ZNF85: variants seen among roughly 807,000 people sequenced by gnomAD.
The protein encoded by ZNF85 is zinc finger protein 85.
A neutral mutation model predicts 53.9 loss-of-function variants in ZNF85; 50 were observed. The observed-to-expected ratio is 0.93, with a 90% CI of 0.74 to 1.17. The LOEUF (loss-of-function observed/expected upper bound fraction) is 1.17. Ranked by LOEUF, ZNF85 falls within the 50% of genes most tolerant of loss-of-function variation. The pLI is 0.00. For synonymous variants in ZNF85, 225 were observed against 226.1 expected, an observed-to-expected ratio of 1.00 and a Z score of 0.04; for missense variants, 747 against 688.5, an observed-to-expected ratio of 1.08 and a Z score of -0.95.
At chr19:20,930,303 A>G (rs1010150488) in intron 1 of ZNF85, among the ~76,000 whole-genome samples, 33 of 152,150 alleles carry the variant, frequency 2.2e-4, no homozygotes, top group Admixed American at 1.6e-3. Context: ...GAAACATTCT[A>G]TTTAACAACT....
chr19:20,927,596 G>A (rs1343265061), intron 1 of ZNF85: 1 of 152,018 alleles, frequency 6.6e-6, no homozygotes, highest in Non-Finnish European at 1.5e-5. Context: ...TAATAAGAAG[G>A]GTGTTTTTGG....
intron 1 of ZNF85, 45 bp from the exon 2 acceptor site, chr19:20,933,957 ATGTGTGTGTGTGTGTGTGTGTG>A (rs56195718): frequency 3.9e-4 from 453 of 1,158,200 alleles, no homozygotes; most frequent in South Asian, 9.4e-4. Flanking sequence ...GTTGGTAATT[ATGTGTGTGTGTGTGTGTGTGTG>A]TGTGTGTGTG....
chr19:20,944,995 G>T (rs978551029), intron 3 of ZNF85, among the ~76,000 whole-genome samples: 3 of 152,000 alleles, frequency 2.0e-5, no homozygotes, highest in African/African-American at 7.2e-5. Flanking sequence ...TCCTGTGTAG[G>T]TGAGTAGTCA....
intron 1 of ZNF85, among the ~76,000 whole-genome samples, chr19:20,923,616 T>G (rs917795724): frequency 2.0e-5 from 3 of 152,156 alleles, no homozygotes; most frequent in African/African-American, 7.2e-5. Context: ...GCGCAGTGAC[T>G]GTGCCCTGGA....
intron 3 of ZNF85, among the ~76,000 whole-genome samples, chr19:20,936,136 T>A (rs1973153036): frequency 6.6e-6 from 1 of 152,216 alleles, no homozygotes; most frequent in Non-Finnish European, 1.5e-5. Flanking sequence ...AATTTATACT[T>A]GTATGTTAAT....
chr19:20,934,870 T>G (rs1332910083), intron 2 of ZNF85, 79 bp from the exon 3 acceptor site: 1 of 813,380 alleles, frequency 1.2e-6, no homozygotes, highest in East Asian at 3.1e-5. Context: ...TTGGGATTAA[T>G]TTACTAGCTA....
chr19:20,946,216 C>T (rs1250276669), intron 3 of ZNF85: 5 of 316,606 alleles, frequency 1.6e-5, no homozygotes. Context: ...TAATTATACC[C>T]TGATTCCATT....
chr19:20,946,570 G>GCACACACA (rs74172383), intron 3 of ZNF85, among the ~76,000 whole-genome samples: 10 of 145,162 alleles, frequency 6.9e-5, no homozygotes, highest in African/African-American at 2.3e-4. Context: ...ATATACACAT[G>GCACACACA]CACACACACA....
intron 1 of ZNF85, among the ~76,000 whole-genome samples, chr19:20,926,165 G>T (rs1012375794): frequency 6.6e-6 from 1 of 152,060 alleles, no homozygotes; most frequent in Non-Finnish European, 1.5e-5. Flanking sequence ...AGAAAATGTG[G>T]TATATAATTG....
Position 20,950,609 on chromosome 19 carries a change from C to A in ZNF85, c.*307C>A. ...GAATTTTTAGTTGAGAAAAAGTATA[C>A]AAATATAAAGAATGTGGAAAAGCCG... On this transcript the variant is annotated 3_prime_UTR_variant, in exon 4 of 4. Coordinates refer to ENST00000328178, the MANE Select transcript of ZNF85 (RefSeq NM_003429.5). 4.4e-6 allele frequency: 1 copy of A among 228,928 alleles called. No individual in the cohort carries two copies. The highest frequency in any genetic ancestry group is 8.4e-6 in the Non-Finnish European group (1 of 118,798). The allele number at this position is 228,928 out of a possible 1,614,324, so 14.2% of individuals were successfully genotyped here. A position where few individuals can be genotyped will look rare whatever the true frequency, so the allele number is the denominator to read the frequency against.
At chr19:20,927,710 C>T (rs1391589708) in intron 1 of ZNF85, 1 of 152,110 alleles carries the variant, frequency 6.6e-6, no homozygotes, top group Non-Finnish European at 1.5e-5. Flanking sequence ...TGGTGAAACC[C>T]TGTCTCTACT....
intron 3 of ZNF85, chr19:20,945,365 ATC>A (rs1464372329): frequency 2.0e-5 from 3 of 152,204 alleles, no homozygotes; most frequent in African/African-American, 7.2e-5. Context: ...ATCCTATACA[ATC>A]TCTGTCTTTC....
chr19:20,944,518 T>A (rs1162210776), intron 3 of ZNF85, among the ~76,000 whole-genome samples: 1 of 144,968 alleles, frequency 6.9e-6, no homozygotes, highest in Non-Finnish European at 1.5e-5. Flanking sequence ...TATATTAATA[T>A]ATAATTATAA....
At chr19:20,925,535 A>G (rs1434782594) in intron 1 of ZNF85, among the ~76,000 whole-genome samples, 1 of 152,168 alleles carries the variant, frequency 6.6e-6, no homozygotes, top group Non-Finnish European at 1.5e-5. Flanking sequence ...ATGCAGAAAT[A>G]ATTTTTACCC....
At chr19:20,931,492 G>A (rs761490668) in intron 1 of ZNF85, among the ~76,000 whole-genome samples, 5 of 152,148 alleles carry the variant, frequency 3.3e-5, no homozygotes, top group Non-Finnish European at 7.3e-5. Flanking sequence ...AATCAAGTAT[G>A]AGGTGTTCCA....
At chr19:20,937,231 C>A in intron 3 of ZNF85, 2 of 422,304 alleles carry the variant, frequency 4.7e-6, no homozygotes, top group South Asian at 1.7e-5. Context: ...GAAGTTTCAC[C>A]ATATTGGCCA....
chr19:20,948,997 A>G lies in ZNF85; in HGVS notation c.483A>G (p.Ser161=). The G allele has an allele frequency of 6.2e-7, 1 of 1,613,550 alleles. No homozygotes were observed. Among genetic ancestry groups the G allele is most frequent in the South Asian group, 1.1e-5 (1 of 90,928 alleles). ...AAGTCGCTCATAAATTTTCAAATTCAAACAGACATGAGATAAGACATACTA... is the reference window on the plus strand; with the variant it reads ...AAGTCGCTCATAAATTTTCAAATTCGAACAGACATGAGATAAGACATACTA... The part of the protein sequence containing the change: ...YVKVAHKFSN[S]NRHEIRHTKK... The change falls in exon 4 of 4, where the codon TCA becomes TCG. Residue 161 remains serine, a synonymous_variant. Transcript: ENST00000328178.
chr19:20,945,123 TTC>T (rs1283292709), intron 3 of ZNF85, among the ~76,000 whole-genome samples: 4 of 151,754 alleles, frequency 2.6e-5, no homozygotes, highest in Non-Finnish European at 4.4e-5. Flanking sequence ...TCTTAGGTAT[TTC>T]TGTTTATTTT....
Position 20,949,578 on chromosome 19 carries a change from C to T in ZNF85, c.1064C>T (p.Ala355Val). The T allele has an allele frequency of 6.3e-7, 1 of 1,597,848 alleles. No individual in the cohort carries two copies. Among genetic ancestry groups the T allele is most frequent in the Non-Finnish European group, 8.6e-7 (1 of 1,168,808 alleles). ...KKCGKAFNQS[A>V]HLTTHEVIHT... Reference sequence around the variant, plus strand: ...TGTGGAAAAGCCTTTAACCAGTCTGCACACCTTACCACACATGAGGTAATT... The same window carrying T: ...TGTGGAAAAGCCTTTAACCAGTCTGTACACCTTACCACACATGAGGTAATT... The change falls in exon 4 of 4, where the codon GCA becomes GTA. Residue 355 changes from alanine to valine, a missense_variant. By Grantham distance (64) the Ala-to-Val change is moderately conservative. Transcript: ENST00000328178.
Sources: gnomAD v4.1 joint callset for allele counts (sites outside exome capture counted in the v4.1 genomes callset) on GRCh38, gnomAD v4.1.1 for gene constraint, MANE v1.5 for transcripts, NCBI Gene and HGNC (gene_info 2026-07-23, HGNC 2026-07-21) for gene names.